Variants in SCN2A observed in about 807,000 individuals in gnomAD.
SCN2A encodes the protein sodium channel protein type 2 subunit alpha.
SCN2A carries 20 observed loss-of-function variants against 188.7 expected under a neutral mutation model. The observed-to-expected ratio is 0.11, with a 90% confidence interval of 0.07 to 0.15. The LOEUF is 0.15. Among genes scored for constraint, SCN2A ranks in the 10% least tolerant of loss-of-function variants. The probability of loss-of-function intolerance (pLI) is 1.00; values close to 1 mark genes in which losing one functional copy is unlikely to be tolerated. For missense variants in SCN2A, 1,278 were observed against 2,445.0 expected, an observed-to-expected ratio of 0.52 and a Z score of 10.07; for synonymous variants, 804 against 833.1, an observed-to-expected ratio of 0.97 and a Z score of 0.60.
chr2:165,305,150 G>A (rs187251935), intron 3 of SCN2A, among the ~76,000 whole-genome samples: 2 of 152,266 alleles, frequency 1.3e-5, no homozygotes, highest in East Asian at 1.9e-4. Flanking sequence ...AGATATGAAC[G>A]TTTAAGGGGA....
At chr2:165,321,320 A>G (rs1698065095) in intron 11 of SCN2A, among the ~76,000 whole-genome samples, 1 of 152,216 alleles carries the variant, frequency 6.6e-6, no homozygotes, top group African/African-American at 2.4e-5. Flanking sequence ...GTCTCTAGAA[A>G]GTTCCAAACT....
At chr2:165,353,164 T>C (rs887594226) in intron 16 of SCN2A, among the ~76,000 whole-genome samples, 2 of 152,128 alleles carry the variant, frequency 1.3e-5, no homozygotes, top group South Asian at 4.1e-4. Context: ...ACTGTCCTTA[T>C]TCATGGCAAT....
chr2:165,371,537 G>A (rs539977710), intron 20 of SCN2A: 1 of 152,116 alleles, frequency 6.6e-6, no homozygotes, highest in Non-Finnish European at 1.5e-5. Context: ...GCTGGAGCTT[G>A]AGAGATGTGA....
chr2:165,292,605 A>G (rs963696158), intron 1 of SCN2A, among the ~76,000 whole-genome samples: 4 of 152,192 alleles, frequency 2.6e-5, no homozygotes, highest in Non-Finnish European at 5.9e-5. Flanking sequence ...TTGCCCAACA[A>G]ATACATTTTC....
At chr2:165,377,979 C>A (rs1408458389) in intron 23 of SCN2A, among the ~76,000 whole-genome samples, 1 of 151,614 alleles carries the variant, frequency 6.6e-6, no homozygotes, top group Non-Finnish European at 1.5e-5. Context: ...TTCTCACAGG[C>A]AATATTTTTT....
At chr2:165,295,323 A>G (rs1696449689) in intron 1 of SCN2A, among the ~76,000 whole-genome samples, 1 of 152,222 alleles carries the variant, frequency 6.6e-6, no homozygotes, top group African/African-American at 2.4e-5. Flanking sequence ...AAAGACTTGG[A>G]GAGATATGTG....
chr2:165,342,870 G>C lies in SCN2A; in HGVS notation c.2562+401G>C, dbSNP rs145381784. 1.3e-4 allele frequency among the ~76,000 whole-genome samples: 20 copies of C among 152,284 alleles called. No individual in the cohort carries two copies. In the East Asian group the frequency reaches 3.7e-3, roughly 28 times the overall value. ...CTAAAGAATTATGGAATTGTTCATT[G>C]CTCACCTTGTCCCCGTAGAGGAAAG... On this transcript the variant is annotated intron_variant, in intron 15 of 26. Transcript: ENST00000375437.
intron 21 of SCN2A, among the ~76,000 whole-genome samples, chr2:165,373,816 C>T (rs553465626): frequency 1.1e-4 from 16 of 151,998 alleles, no homozygotes; most frequent in Non-Finnish European, 1.6e-4. Flanking sequence ...GGAAATCTAA[C>T]GCTCATTTAG....
chr2:165,247,979 C>T (rs1408207262), intron 1 of SCN2A, among the ~76,000 whole-genome samples: 3 of 152,052 alleles, frequency 2.0e-5, no homozygotes, highest in Non-Finnish European at 4.4e-5. Context: ...CTAGTATCAT[C>T]CTTGATTATT....
rs982056898 is a variant in SCN2A, at chr2:165,376,688, G to A, written c.4255-909G>A. Among the ~76,000 whole-genome samples the A allele has an allele frequency of 5.4e-5, 8 of 149,500 alleles. No homozygotes were observed. In the Middle Eastern group the frequency reaches 0.02, roughly 381 times the overall value. ...GGAAAGAAGTGCTGGCCCCAAGGGG[G>A]GTTGAAAAGGGGTGTGTGTGTGTGT... On this transcript the variant is annotated intron_variant, in intron 22 of 26. Transcript: ENST00000375437.
intron 1 of SCN2A, among the ~76,000 whole-genome samples, chr2:165,279,521 G>T (rs1340283441): frequency 6.6e-6 from 1 of 152,080 alleles, no homozygotes; most frequent in Non-Finnish European, 1.5e-5. Flanking sequence ...TTTTTAGACA[G>T]ATTATTATTA....
intron 1 of SCN2A, chr2:165,270,773 C>T (rs2119067): frequency 0.8 from 121,803 of 152,084 alleles, 49,220 homozygotes; most frequent in African/African-American, 0.89. Flanking sequence ...TAAAGCCTAA[C>T]GTAAGTACCA....
intron 1 of SCN2A, among the ~76,000 whole-genome samples, chr2:165,274,531 C>T (rs908924292): frequency 6.6e-6 from 1 of 151,874 alleles, no homozygotes; most frequent in African/African-American, 2.4e-5. Flanking sequence ...AATACATTAC[C>T]AAAACACTTT....
At chr2:165,339,825 C>T (rs1699212182) in intron 14 of SCN2A, among the ~76,000 whole-genome samples, 3 of 152,106 alleles carry the variant, frequency 2.0e-5, no homozygotes, top group Admixed American at 2.0e-4. Context: ...TATGCAAATA[C>T]ACAGTGCTTA....
chr2:165,350,613 C>T (rs917383240), intron 16 of SCN2A, among the ~76,000 whole-genome samples: 10 of 147,416 alleles, frequency 6.8e-5, no homozygotes, highest in African/African-American at 2.0e-4. Flanking sequence ...GCTGAGACTA[C>T]AGGCGCCCGC....
intron 1 of SCN2A, among the ~76,000 whole-genome samples, chr2:165,262,782 G>C (rs1694662764): frequency 6.6e-6 from 1 of 152,060 alleles, no homozygotes; most frequent in African/African-American, 2.4e-5. Flanking sequence ...GGAATTGCTG[G>C]ATCAAATGGT....
intron 3 of SCN2A, among the ~76,000 whole-genome samples, chr2:165,305,973 AAG>A (rs1026982583): frequency 7.2e-5 from 11 of 152,126 alleles, no homozygotes; most frequent in African/African-American, 2.4e-4. Context: ...AGGATAAGAA[AAG>A]AGAGAGATAA....
intron 16 of SCN2A, among the ~76,000 whole-genome samples, chr2:165,347,280 A>G (rs533198999): frequency 1.4e-4 from 21 of 152,326 alleles, no homozygotes; most frequent in Non-Finnish European, 2.5e-4. Context: ...GAGTGAGTTC[A>G]TGTCCTTTGC....
At chr2:165,363,189 T>C (rs1159511357) in intron 17 of SCN2A, among the ~76,000 whole-genome samples, 3 of 152,168 alleles carry the variant, frequency 2.0e-5, no homozygotes, top group Admixed American at 2.0e-4. Flanking sequence ...CTCATTCTTT[T>C]TTTTAAGCAA....
Sources: gnomAD v4.1 joint callset for allele counts (sites outside exome capture counted in the v4.1 genomes callset) on GRCh38, gnomAD v4.1.1 for gene constraint, MANE v1.5 for transcripts, NCBI Gene and HGNC (gene_info 2026-07-23, HGNC 2026-07-21) for gene names.